Variants in STK17B observed in about 807,000 individuals in gnomAD.
STK17B encodes the protein serine/threonine kinase 17b.
In STK17B, 21 loss-of-function variants were observed where a neutral mutation model predicts 42.0. That is an observed-to-expected ratio of 0.50 (90% CI 0.35 to 0.72). The LOEUF is 0.72. Among genes scored for constraint, STK17B ranks in the 30% least tolerant of loss-of-function variants. The probability of loss-of-function intolerance (pLI) is 0.00; values close to 1 mark genes in which losing one functional copy is unlikely to be tolerated. For synonymous variants in STK17B, 143 were observed against 148.4 expected (o/e 0.96, Z 0.26); for missense variants, 349 against 446.0 (o/e 0.78, Z 1.96).
At chr2:196,162,485 T>C (rs1378938809) in intron 2 of STK17B, among the ~76,000 whole-genome samples, 1 of 151,936 alleles carries the variant, frequency 6.6e-6, no homozygotes, top group Non-Finnish European at 1.5e-5. Flanking sequence ...AACAAAAACT[T>C]ACAGAGCACT....
chr2:196,151,283 G>T (rs745848567), intron 3 of STK17B: 1 of 151,502 alleles, frequency 6.6e-6, no homozygotes, highest in Non-Finnish European at 1.5e-5. Context: ...TCGCTCTGTC[G>T]CCCAGACTGG....
At chr2:196,140,080 G>A (rs191656917) in intron 6 of STK17B, among the ~76,000 whole-genome samples, 1 of 152,330 alleles carries the variant, frequency 6.6e-6, no homozygotes, top group Admixed American at 6.5e-5. Flanking sequence ...CTGCCGTGGA[G>A]TACACAAAGC....
At chr2:196,138,748 G>A (rs540372934) in intron 7 of STK17B, among the ~76,000 whole-genome samples, 3 of 151,556 alleles carry the variant, frequency 2.0e-5, no homozygotes, top group East Asian at 2.0e-4. Context: ...GCTAACTTTT[G>A]TATTTTTAGT....
At position 196,143,161 on chromosome 2, in the gene STK17B, T is replaced by G. The variant is rs112249912; in HGVS notation, c.607+399A>C. Among the ~76,000 whole-genome samples, 339 of 152,348 alleles carry G rather than the reference T, an allele frequency of 2.2e-3. 2 individuals carry two copies. Among genetic ancestry groups the G allele is most frequent in the African/African-American group, 7.6e-3 (315 of 41,584 alleles). ...TCTGTATTGTGAACAGCTCTGGAAT[T>G]GGGACCAGAAATAGAAGTGAGATCT... On this transcript the variant is annotated intron_variant, in intron 5 of 7. Transcript: ENST00000263955.
chr2:196,156,377 T>C, intron 3 of STK17B, 62 bp downstream of exon 3: 1 of 1,309,930 alleles, frequency 7.6e-7, no homozygotes. Context: ...TCATTCTTAT[T>C]CTTGACATTT....
chr2:196,149,073 A>G (rs1699624167), intron 3 of STK17B, among the ~76,000 whole-genome samples: 2 of 152,250 alleles, frequency 1.3e-5, no homozygotes, highest in Non-Finnish European at 1.5e-5. Flanking sequence ...AGTATTGAGC[A>G]CAAACATCCT....
chr2:196,157,386 T>C (rs1413693255), intron 2 of STK17B, among the ~76,000 whole-genome samples: 5 of 152,152 alleles, frequency 3.3e-5, no homozygotes, highest in Non-Finnish European at 7.4e-5. Context: ...TCATGTTAAC[T>C]CTCTAATTAG....
At chr2:196,154,061 C>A (rs1298715579) in intron 3 of STK17B, 1 of 152,080 alleles carries the variant, frequency 6.6e-6, no homozygotes, top group East Asian at 1.9e-4. Context: ...ATGGTGAAAC[C>A]CCATCTCTAG....
intron 3 of STK17B, chr2:196,151,655 C>T (rs1034908706): frequency 6.6e-6 from 1 of 152,032 alleles, no homozygotes; most frequent in African/African-American, 2.4e-5. Flanking sequence ...ATATGTATAG[C>T]TATATTTTAT....
rs1003374340 is a variant in STK17B at position 196,137,366 on chromosome 2, T to C, written c.*81A>G. 3 of 1,407,326 alleles carry C rather than the reference T, an allele frequency of 2.1e-6. No homozygotes were observed. Among genetic ancestry groups the C allele is most frequent in the Non-Finnish European group, 1.9e-6 (2 of 1,036,292 alleles). 87.2% of individuals were successfully genotyped at this position (1,407,326 alleles called of 1,614,324 possible). A position where few individuals can be genotyped will look rare whatever the true frequency, so the allele number is the denominator to read the frequency against. ...GTGCATTTACAATATAAACATGTCA[T>C]ATATGAAGCTACAAATCATAATCTC... On this transcript the variant is annotated 3_prime_UTR_variant, in exon 8 of 8. Coordinates refer to ENST00000263955, the MANE Select transcript of STK17B (RefSeq NM_004226.4).
rs1699837937 is a variant in STK17B at position 196,163,386 on chromosome 2, T to C, written c.-3A>G. 6 of 1,584,222 alleles carry C rather than the reference T, an allele frequency of 3.8e-6. No individual in the cohort carries two copies. The highest frequency in any genetic ancestry group is 5.1e-6 in the Non-Finnish European group (6 of 1,170,960). On this transcript the variant is annotated 5_prime_UTR_variant, in exon 2 of 8. Transcript: ENST00000263955. ...CAATCAAATCTCCTCCTCGACATGT[T>C]AGGTGATTCCCAGGTCTGCTTCTTT...
chr2:196,162,369 T>C (rs889452321), intron 2 of STK17B, among the ~76,000 whole-genome samples: 3 of 151,648 alleles, frequency 2.0e-5, no homozygotes, highest in Non-Finnish European at 4.4e-5. Flanking sequence ...TTCTTTTTGT[T>C]CAACTTAGGA....
intron 2 of STK17B, among the ~76,000 whole-genome samples, chr2:196,159,868 GTATCCTGTACT>G (rs199890569): frequency 0.019 from 2,943 of 152,138 alleles, 44 homozygotes; most frequent in Non-Finnish European, 0.03. Flanking sequence ...GTGCTATTCT[GTATCCTGTACT>G]TAAAGTGTTT....
chr2:196,139,546 TA>T (rs1699462367), intron 7 of STK17B, 73 bp downstream of exon 7: 1 of 915,410 alleles, frequency 1.1e-6, no homozygotes, highest in Admixed American at 3.8e-5. Context: ...TCTTAATAGG[TA>T]TATATTATTT....
intron 3 of STK17B, among the ~76,000 whole-genome samples, chr2:196,149,071 G>A (rs1279907753): frequency 6.6e-6 from 1 of 151,982 alleles, no homozygotes; most frequent in Non-Finnish European, 1.5e-5. Context: ...AAAGTATTGA[G>A]CACAAACATC....
intron 2 of STK17B, among the ~76,000 whole-genome samples, chr2:196,162,629 G>A (rs572551013): frequency 1.3e-5 from 2 of 152,068 alleles, no homozygotes; most frequent in Middle Eastern, 3.4e-3. Flanking sequence ...AGGGCGCAGG[G>A]GCTCACACCA....
chr2:196,170,314 A>T (rs1699923532), intron 1 of STK17B, among the ~76,000 whole-genome samples: 1 of 152,210 alleles, frequency 6.6e-6, no homozygotes, highest in Admixed American at 6.5e-5. Context: ...AAGTGGCCAC[A>T]CCACGTCAAA....
Position 196,163,402 on chromosome 2 carries a change from C to A in STK17B, c.-19G>T. The A allele has an allele frequency of 6.4e-7, 1 of 1,565,896 alleles. No homozygotes were observed. Among genetic ancestry groups the A allele is most frequent in the South Asian group, 1.2e-5 (1 of 82,660 alleles). On this transcript the variant is annotated 5_prime_UTR_variant, in exon 2 of 8. Transcript: ENST00000263955. ...TCGACATGTTAGGTGATTCCCAGGT[C>A]TGCTTCTTTAGTCACTTATTTTTAC...
At chr2:196,141,110 C>A in intron 6 of STK17B, 139 bp downstream of exon 6, 1 of 644,992 alleles carries the variant, frequency 1.6e-6, no homozygotes, top group South Asian at 1.9e-5. Context: ...TAAATATTTT[C>A]CTGTAGCATA....
Sources: allele counts gnomAD v4.1 joint callset (sites outside exome capture counted in the v4.1 genomes callset), GRCh38; gene constraint gnomAD v4.1.1; transcripts MANE v1.5; gene names NCBI Gene and HGNC (gene_info 2026-07-23, HGNC 2026-07-21).